The following CPPED1 variants were observed in gnomAD, a reference collection of about 807,000 sequenced individuals.
CPPED1 encodes the protein calcineurin like phosphoesterase domain containing 1, also known as serine/threonine-protein phosphatase CPPED1.
Under a neutral mutation model 28.0 loss-of-function variants are expected in CPPED1, and 28 were observed. That is an observed-to-expected ratio of 1.00 (90% CI 0.74 to 1.37). The LOEUF is 1.37. Among genes scored for constraint, CPPED1 ranks in the 40% most tolerant of loss-of-function variants. The pLI, the probability that CPPED1 is intolerant of heterozygous loss-of-function variation, is 0.00. For missense variants in CPPED1, 504 were observed against 416.5 expected, an observed-to-expected ratio of 1.21 and a Z score of -1.83; for synonymous variants, 198 against 180.2, an observed-to-expected ratio of 1.10 and a Z score of -0.79.
Position 12,670,769 on chromosome 16 carries a change from A to G in CPPED1, c.716-5654T>C, listed in dbSNP as rs2079849078. Among the ~76,000 whole-genome samples the G allele has an allele frequency of 6.6e-6, 1 of 152,224 alleles. No homozygotes were observed. Among genetic ancestry groups the G allele is most frequent in the South Asian group, 2.1e-4 (1 of 4,836 alleles). ...AAAAACAAGGAATGAGTGAGAAACT[A>G]TCACAGCCAAGAGGAACCGAAGCAC... On this transcript the variant is annotated intron_variant, in intron 3 of 3. Coordinates refer to ENST00000381774, the MANE Select transcript of CPPED1 (RefSeq NM_018340.3). This position sits in a 1 kb window ranked among gnomAD's most constrained non-coding sequence, Gnocchi z 4.2.
chr16:12,723,304 A>T (rs1420170143), intron 2 of CPPED1, among the ~76,000 whole-genome samples: 1 of 152,206 alleles, frequency 6.6e-6, no homozygotes, highest in African/African-American at 2.4e-5. Context: ...TGGGCAGGAT[A>T]TGCCTGTTCT....
At chr16:12,684,512 G>C (rs372390033) in intron 3 of CPPED1, among the ~76,000 whole-genome samples, 32 of 152,290 alleles carry the variant, frequency 2.1e-4, no homozygotes, top group South Asian at 1.4e-3. Context: ...CTATTTTGTG[G>C]CTCCAGCCTC....
chr16:12,719,133 T>C (rs762335179), intron 2 of CPPED1, among the ~76,000 whole-genome samples: 1 of 151,966 alleles, frequency 6.6e-6, no homozygotes, highest in Non-Finnish European at 1.5e-5. Flanking sequence ...TTCACTACCA[T>C]AAGAACAGTA....
chr16:12,717,763 T>C (rs1158717118), intron 2 of CPPED1, among the ~76,000 whole-genome samples: 1 of 152,142 alleles, frequency 6.6e-6, no homozygotes, highest in Non-Finnish European at 1.5e-5. Context: ...TGCCTCAGCC[T>C]CCCAAGTAGC....
In CPPED1 at chr16:12,766,269, AGAGAGAGG is replaced by A. The variant is rs1435140220; in HGVS notation, c.289+14908_289+14915del. Among the ~76,000 whole-genome samples the A allele has an allele frequency of 5.2e-3, 753 of 144,646 alleles. 33 individuals carry two copies. Among genetic ancestry groups the A allele is most frequent in the African/African-American group, 0.019 (707 of 36,512 alleles). The allele number at this position is 144,646 out of a possible 152,430, so 94.9% of individuals were successfully genotyped here. ...TATATATATATATAGAGAGAGAGAGAGAGAGAGGGAGAGAGAGAGAGAGAAAGAGAGAG... is the reference window on the plus strand; with the variant it reads ...TATATATATATATAGAGAGAGAGAGAGAGAGAGAGAGAGAGAAAGAGAGAG... On this transcript the variant is annotated intron_variant, in intron 2 of 3. Coordinates refer to ENST00000381774, the MANE Select transcript of CPPED1 (RefSeq NM_018340.3).
intron 2 of CPPED1, among the ~76,000 whole-genome samples, chr16:12,712,489 CAT>C (rs1484759422): frequency 5.3e-5 from 8 of 152,168 alleles, no homozygotes; most frequent in Non-Finnish European, 1.2e-4. Context: ...GTGTGCAAAA[CAT>C]AACTATTCCT....
intron 3 of CPPED1, among the ~76,000 whole-genome samples, chr16:12,689,795 T>TA (rs1214371369): frequency 2.6e-5 from 4 of 152,106 alleles, no homozygotes; most frequent in Non-Finnish European, 5.9e-5. Context: ...AACAGACTCT[T>TA]ATGAAGATTG....
intron 3 of CPPED1, among the ~76,000 whole-genome samples, chr16:12,696,920 C>T (rs1030464231): frequency 1.3e-5 from 2 of 152,128 alleles, no homozygotes; most frequent in Non-Finnish European, 2.9e-5. Flanking sequence ...TGTTATAGGA[C>T]CCCCTGCCCA....
chr16:12,667,168 G>T (rs1456294502), intron 3 of CPPED1, among the ~76,000 whole-genome samples: 1 of 152,102 alleles, frequency 6.6e-6, no homozygotes, highest in Non-Finnish European at 1.5e-5. Context: ...CATTGACCCT[G>T]AAATGAAAAA....
chr16:12,718,954 T>C (rs1250692277), intron 2 of CPPED1, among the ~76,000 whole-genome samples: 1 of 151,328 alleles, frequency 6.6e-6, no homozygotes, highest in African/African-American at 2.4e-5. Flanking sequence ...CAGCGCAAGA[T>C]TCTTAAGCAA....
In CPPED1 at chr16:12,691,168, G is replaced by A. The variant is rs1260795625; in HGVS notation, c.715+13456C>T. 2.0e-5 allele frequency among the ~76,000 whole-genome samples: 3 copies of A among 152,352 alleles called. No individual in the cohort carries two copies. In the East Asian group the frequency reaches 5.8e-4, roughly 29 times the overall value. On this transcript the variant is annotated intron_variant, in intron 3 of 3. Coordinates refer to ENST00000381774, the MANE Select transcript of CPPED1 (RefSeq NM_018340.3). The stretch of plus-strand genomic sequence containing the variant: ...TGGTTGATGCTGGGGAAGCCGATTT[G>A]TCTCCCCACGCTGCAGTTTCCTTGT...
intron 3 of CPPED1, among the ~76,000 whole-genome samples, chr16:12,698,670 A>T (rs751879207): frequency 4.5e-4 from 69 of 152,256 alleles, no homozygotes; most frequent in Admixed American, 3.2e-3. Context: ...ACTTCAAGTG[A>T]TCCACCCACC....
intron 2 of CPPED1, among the ~76,000 whole-genome samples, chr16:12,708,176 A>G (rs186818063): frequency 0.043 from 5,786 of 135,752 alleles, 173 homozygotes; most frequent in African/African-American, 0.11. Context: ...TTATTGTTGG[A>G]AAAAAAAAAG....
chr16:12,665,304 G>A (rs2079819712), intron 3 of CPPED1, among the ~76,000 whole-genome samples, 189 bp from the exon 4 acceptor site: 1 of 151,920 alleles, frequency 6.6e-6, no homozygotes, highest in African/African-American at 2.4e-5. Context: ...GTGATGTCCA[G>A]AATCTTTGAA....
At chr16:12,685,771 C>G (rs761315617) in intron 3 of CPPED1, among the ~76,000 whole-genome samples, 7 of 152,210 alleles carry the variant, frequency 4.6e-5, no homozygotes, top group Non-Finnish European at 8.8e-5. Context: ...GACAATTCTC[C>G]TACCACGGCC....
chr16:12,695,456 A>C (rs529611093), intron 3 of CPPED1, among the ~76,000 whole-genome samples: 1 of 152,244 alleles, frequency 6.6e-6, no homozygotes, highest in South Asian at 2.1e-4. Context: ...CTTTTCGCAA[A>C]GACAGAGTCT....
chr16:12,801,199 T>A (rs558776739), intron 1 of CPPED1, among the ~76,000 whole-genome samples: 13 of 152,318 alleles, frequency 8.5e-5, no homozygotes, highest in African/African-American at 3.1e-4. Flanking sequence ...GCTCAGGCAA[T>A]TCTCCTGCCA....
chr16:12,685,844 G>T (rs1024104419), intron 3 of CPPED1, among the ~76,000 whole-genome samples: 3 of 152,236 alleles, frequency 2.0e-5, no homozygotes, highest in Non-Finnish European at 2.9e-5. Context: ...CCACGGGGGT[G>T]TCTGAGAAAG....
intron 2 of CPPED1, among the ~76,000 whole-genome samples, chr16:12,735,120 G>A (rs748066871): frequency 2.0e-5 from 3 of 152,174 alleles, no homozygotes; most frequent in African/African-American, 4.8e-5. Context: ...CAAGTGCACG[G>A]ATGTCCAGGT....
Sources: allele counts gnomAD v4.1 joint callset (sites outside exome capture counted in the v4.1 genomes callset), GRCh38; gene constraint gnomAD v4.1.1; non-coding constraint Gnocchi (gnomAD v3.1); transcripts MANE v1.5; gene names NCBI Gene and HGNC (gene_info 2026-07-23, HGNC 2026-07-21).